COL4A6: variants seen among roughly 807,000 people sequenced by gnomAD.
COL4A6 encodes collagen alpha-6(IV) chain.
In COL4A6, 59 loss-of-function variants were observed where a neutral mutation model predicts 126.7. The ratio of observed to expected loss-of-function variants is 0.47; its 90% CI spans 0.38 to 0.58. The LOEUF (loss-of-function observed/expected upper bound fraction) is 0.58. Among genes scored for constraint, COL4A6 ranks in the 20% least tolerant of loss-of-function variants. The pLI, the probability that COL4A6 is intolerant of heterozygous loss-of-function variation, is 0.00. For missense variants in COL4A6, 1,285 were observed against 1,337.3 expected (o/e 0.96, Z 0.61); for synonymous variants, 547 against 496.6 (o/e 1.10, Z -1.35).
chrX:108,365,224 T>G (rs1053541279), intron 2 of COL4A6, among the ~76,000 whole-genome samples: 7 of 112,118 alleles, frequency 6.2e-5, no homozygotes, highest in Non-Finnish European at 1.1e-4. Flanking sequence ...TAAATTTACT[T>G]GCTTATGGTC....
chrX:108,253,146 T>C (rs1018843402), intron 3 of COL4A6, among the ~76,000 whole-genome samples: 1 of 111,109 alleles, frequency 9.0e-6, no homozygotes, highest in Admixed American at 9.6e-5. Context: ...GAACTCCTAG[T>C]CAAAGCAATT....
chrX:108,415,462 T>C (rs1014518202), intron 2 of COL4A6, among the ~76,000 whole-genome samples: 1 of 112,209 alleles, frequency 8.9e-6, no homozygotes, highest in Non-Finnish European at 1.9e-5. Flanking sequence ...ACTTGTGGCT[T>C]TGTAAATGGT....
At chrX:108,210,880 A>G (rs1399878774) in intron 7 of COL4A6, among the ~76,000 whole-genome samples, 2 of 111,107 alleles carry the variant, frequency 1.8e-5, no homozygotes, top group Admixed American at 1.9e-4. Flanking sequence ...CCAGCCACCC[A>G]CCCCCATCAC....
At chrX:108,269,612 A>G (rs1477234764) in intron 3 of COL4A6, among the ~76,000 whole-genome samples, 1 of 111,638 alleles carries the variant, frequency 9.0e-6, no homozygotes, top group African/African-American at 3.3e-5. Flanking sequence ...ACTAGCTCAG[A>G]CCTATTAACA....
rs141528356 is a variant in COL4A6 at position 108,159,630 on chromosome X, G to A, written c.4644C>T (p.Ala1548=). The A allele has an allele frequency of 6.6e-6, 8 of 1,210,982 alleles. No individual in the cohort carries two copies. In the East Asian group the frequency reaches 2.4e-4, roughly 36 times the overall value. ...NDKSYWLSTT[A]PIPMMPVSQT... ...GGCTGACGGGCATCATGGGGATAGG[G>A]GCGGTAGTGGAGAGCCAGTAAGATT... Residue 1548 remains alanine, a synonymous_variant, in exon 44 of 45, where the codon GCC becomes GCT. Transcript: ENST00000334504.
chrX:108,357,181 G>C (rs1199616748), intron 2 of COL4A6, among the ~76,000 whole-genome samples: 1 of 111,469 alleles, frequency 9.0e-6, no homozygotes, highest in Non-Finnish European at 1.9e-5. Context: ...TGGGTAGAGA[G>C]CTTGAAAATA....
chrX:108,206,030 C>T (rs1051707561), intron 9 of COL4A6, among the ~76,000 whole-genome samples: 23 of 111,498 alleles, frequency 2.1e-4, no homozygotes, highest in African/African-American at 6.8e-4. Context: ...ACACAGCTTT[C>T]CCAGAACCAC....
At chrX:108,259,598 C>T (rs2037105019) in intron 3 of COL4A6, among the ~76,000 whole-genome samples, 1 of 111,556 alleles carries the variant, frequency 9.0e-6, no homozygotes, top group Non-Finnish European at 1.9e-5. Flanking sequence ...ATTCTTTAAG[C>T]CTTGCTCTTC....
chrX:108,405,220 C>T (rs1346970865), intron 2 of COL4A6, among the ~76,000 whole-genome samples: 3 of 107,959 alleles, frequency 2.8e-5, no homozygotes, highest in Admixed American at 1.0e-4. Flanking sequence ...TTTCTTGAAG[C>T]GGAGTTCTCC....
At chrX:108,349,023 G>C (rs1160366878) in intron 2 of COL4A6, among the ~76,000 whole-genome samples, 1 of 111,333 alleles carries the variant, frequency 9.0e-6, no homozygotes, top group Non-Finnish European at 1.9e-5. Flanking sequence ...ACATGGATAA[G>C]TTGAAATCAG....
chrX:108,297,739 G>A (rs928681917), intron 3 of COL4A6, among the ~76,000 whole-genome samples: 29 of 110,752 alleles, frequency 2.6e-4, no homozygotes, highest in African/African-American at 9.2e-4. Context: ...CTGGGAAGTG[G>A]GAAGAAAATC....
chrX:108,304,692 A>G (rs756610494), intron 3 of COL4A6, among the ~76,000 whole-genome samples: 33 of 112,014 alleles, frequency 2.9e-4, no homozygotes, highest in Non-Finnish European at 5.3e-4. Context: ...TTAGGTATAG[A>G]GTAAGAAGCA....
chrX:108,301,598 T>C (rs1265309860), intron 3 of COL4A6, among the ~76,000 whole-genome samples: 1 of 111,485 alleles, frequency 9.0e-6, no homozygotes, highest in East Asian at 2.8e-4. Context: ...CCATTTGACA[T>C]GGTGGAAAGA....
chrX:108,275,708 G>A (rs1481110565), intron 3 of COL4A6, among the ~76,000 whole-genome samples: 1 of 112,929 alleles, frequency 8.9e-6, no homozygotes, highest in African/African-American at 3.2e-5. Flanking sequence ...TGAAAGAAGA[G>A]GGGATGCAAT....
chrX:108,204,653 T>C, intron 11 of COL4A6: 1 of 454,133 alleles, frequency 2.2e-6, no homozygotes. Context: ...AAGGAAACTT[T>C]AAGTTCATGG....
At chrX:108,351,339 A>G (rs143964539) in intron 2 of COL4A6, among the ~76,000 whole-genome samples, 1,974 of 111,525 alleles carry the variant, frequency 0.018, 25 homozygotes, top group Admixed American at 0.061. Flanking sequence ...TGATTTGAAA[A>G]TAAATCATTG....
intron 3 of COL4A6, among the ~76,000 whole-genome samples, chrX:108,289,189 A>T (rs1285002277): frequency 1.8e-5 from 2 of 109,303 alleles, no homozygotes; most frequent in African/African-American, 6.7e-5. Flanking sequence ...TTGACTACAG[A>T]CTCTAAACCT....
At chrX:108,392,638 A>T (rs1047102471) in intron 2 of COL4A6, among the ~76,000 whole-genome samples, 4 of 111,667 alleles carry the variant, frequency 3.6e-5, no homozygotes, top group African/African-American at 1.3e-4. Context: ...CAAAATTAGC[A>T]TGCTAAAATT....
chrX:108,234,941 C>G (rs1018295605), intron 3 of COL4A6, among the ~76,000 whole-genome samples: 12 of 110,837 alleles, frequency 1.1e-4, no homozygotes, highest in Admixed American at 1.1e-3. Context: ...CTGGGGAGGG[C>G]CAGAAGGAGA....
Sources: allele counts gnomAD v4.1 joint callset (sites outside exome capture counted in the v4.1 genomes callset), GRCh38; gene constraint gnomAD v4.1.1; transcripts MANE v1.5; gene names NCBI Gene and HGNC (gene_info 2026-07-23, HGNC 2026-07-21).